Variants in NAP1L1 observed in about 807,000 individuals in gnomAD.
The protein encoded by NAP1L1 is nucleosome assembly protein 1 like 1, also known as nucleosome assembly protein 1-like 1.
NAP1L1 carries 9 observed loss-of-function variants against 58.9 expected under a neutral mutation model. That is an observed-to-expected ratio of 0.15 (90% CI 0.09 to 0.27). The LOEUF (loss-of-function observed/expected upper bound fraction) is 0.27, where lower values mean the gene tolerates loss of function less well. NAP1L1 is among the 10% of genes least tolerant of loss of function. NAP1L1 has a pLI of 1.00. For missense variants in NAP1L1, 302 were observed against 458.8 expected, an observed-to-expected ratio of 0.66 and a Z score of 3.12; for synonymous variants, 130 against 138.3, an observed-to-expected ratio of 0.94 and a Z score of 0.42.
Position 76,069,011 on chromosome 12 carries a change from T to C in NAP1L1, c.18-17A>G. The C allele has an allele frequency of 6.4e-7, 1 of 1,573,398 alleles. No homozygotes were observed. The highest frequency in any genetic ancestry group is 8.7e-7 in the Non-Finnish European group (1 of 1,151,870). ...TGTTCTTTGCTATAATATCATAGTA[T>C]CACACCAAGGTTCAAATGTACCAAT... On this transcript the variant is annotated splice_polypyrimidine_tract_variant and intron_variant, in intron 2 of 14. Coordinates refer to ENST00000618691, the MANE Select transcript of NAP1L1 (RefSeq NM_004537.7).
In NAP1L1 at chr12:76,041,073, A is replaced by G. The variant is rs545147846; in HGVS notation, c.*7356T>C. 7.2e-5 allele frequency: 11 copies of G among 152,340 alleles called. No individual in the cohort carries two copies. Among genetic ancestry groups the G allele is most frequent in the Admixed American group, 2.0e-4 (3 of 15,300 alleles). The allele number at this position is 152,340 out of a possible 1,614,324, so 9.4% of individuals were successfully genotyped here. A position where few individuals can be genotyped will look rare whatever the true frequency, so the allele number is the denominator to read the frequency against. The stretch of plus-strand genomic sequence containing the variant: ...TTATGAAAGAGCTAACTGTATACAC[A>G]ATCCAGCTTTGTTTCATTGGTTTTC... On this transcript the variant is annotated 3_prime_UTR_variant, in exon 15 of 15. Coordinates refer to ENST00000618691, the MANE Select transcript of NAP1L1 (RefSeq NM_004537.7).
In NAP1L1 at chr12:76,046,505, T is replaced by C. The variant is rs1378829059; in HGVS notation, c.*1924A>G. ...ACTATGGTTAAAAAAAAAAAGCACA[T>C]AGTGTCTAATCAAAGCAAAGGAAAT... On this transcript the variant is annotated 3_prime_UTR_variant, in exon 15 of 15. Transcript: ENST00000618691. The C allele has an allele frequency of 1.3e-5, 2 of 151,332 alleles. No homozygotes were observed. The highest frequency in any genetic ancestry group is 6.6e-5 in the Admixed American group (1 of 15,156). 9.4% of individuals were successfully genotyped at this position (151,332 alleles called of 1,614,324 possible). A position where few individuals can be genotyped will look rare whatever the true frequency, so the allele number is the denominator to read the frequency against.
chr12:76,049,621 T>G, intron 13 of NAP1L1, 135 bp downstream of exon 13: 1 of 1,518,994 alleles, frequency 6.6e-7, no homozygotes, highest in South Asian at 1.2e-5. Context: ...GGCTGTAGAA[T>G]TCTAAAATCA....
Position 76,039,697 on chromosome 12 carries a change from T to C in NAP1L1, c.*8732A>G, listed in dbSNP as rs1309093697. On this transcript the variant is annotated 3_prime_UTR_variant, in exon 15 of 15. Transcript: ENST00000618691. The stretch of plus-strand genomic sequence containing the variant: ...AGTGCAAAGTGTAGGGCCATCCAAA[T>C]GCTGGCTCCAACACAACTCAACTGT... 1 of 152,190 alleles carries C rather than the reference T, an allele frequency of 6.6e-6. No homozygotes were observed. The highest frequency in any genetic ancestry group is 1.5e-5 in the Non-Finnish European group (1 of 68,032). 9.4% of individuals were successfully genotyped at this position (152,190 alleles called of 1,614,324 possible). A position where few individuals can be genotyped will look rare whatever the true frequency, so the allele number is the denominator to read the frequency against.
intron 6 of NAP1L1, chr12:76,057,388 C>A (rs1407735963): frequency 2.3e-6 from 1 of 438,028 alleles, no homozygotes; most frequent in Non-Finnish European, 4.2e-6. Context: ...ATCATTCTTA[C>A]AAAAAGGAAA....
chr12:76,084,412 C>T lies in NAP1L1; in HGVS notation c.-21+155G>A, dbSNP rs540695726. On this transcript the variant is annotated intron_variant, in intron 1 of 14. Transcript: ENST00000618691. ...GGCTCCGGGGTCCGGACTCCGCGGT[C>T]CTGTCCGACCTCACAGGACGACCCC... Among the ~76,000 whole-genome samples the T allele has an allele frequency of 2.0e-5, 3 of 152,276 alleles. No individual in the cohort carries two copies. The South Asian group carries it at 6.2e-4, about 32-fold the overall frequency.
intron 13 of NAP1L1, 124 bp downstream of exon 13, chr12:76,049,632 T>A (rs986761818): frequency 1.3e-6 from 2 of 1,530,586 alleles, no homozygotes; most frequent in Non-Finnish European, 1.8e-6. Flanking sequence ...TCTAAAATCA[T>A]GTTTTCCAAA....
chr12:76,077,782 G>A (rs982337919), intron 1 of NAP1L1, among the ~76,000 whole-genome samples: 2 of 152,020 alleles, frequency 1.3e-5, no homozygotes, highest in Middle Eastern at 6.8e-3. Flanking sequence ...TTAGGAGTTA[G>A]AGACCAGCCT....
intron 11 of NAP1L1, among the ~76,000 whole-genome samples, 196 bp from the exon 12 acceptor site, chr12:76,050,849 G>A (rs1424946258): frequency 1.3e-5 from 2 of 151,796 alleles, no homozygotes; most frequent in Non-Finnish European, 2.9e-5. Context: ...CGCCCCCTGC[G>A]TTTGTACAAA....
rs1281150807 is a variant in NAP1L1, at chr12:76,039,249, C to T, written c.*9180G>A. 1 of 152,180 alleles carries T rather than the reference C, an allele frequency of 6.6e-6. No homozygotes were observed. Among genetic ancestry groups the T allele is most frequent in the Non-Finnish European group, 1.5e-5 (1 of 68,028 alleles). 9.4% of individuals were successfully genotyped at this position (152,180 alleles called of 1,614,324 possible). On this transcript the variant is annotated 3_prime_UTR_variant, in exon 15 of 15. Transcript: ENST00000618691. ...CTGTGAGCATAAACCATAGGTTCTT[C>T]TTTTTACAGGAGAGGTTGGATGCCA... is the stretch of plus-strand genomic sequence containing the variant.
intron 3 of NAP1L1, among the ~76,000 whole-genome samples, chr12:76,068,021 A>C (rs1464318659): frequency 6.6e-6 from 1 of 152,224 alleles, no homozygotes; most frequent in Non-Finnish European, 1.5e-5. Flanking sequence ...TGTGGTTTTC[A>C]ATGGCTTTTT....
Position 76,040,641 on chromosome 12 carries a change from C to CCT in NAP1L1, c.*7786_*7787dup, listed in dbSNP as rs1209777254. 1.3e-5 allele frequency: 2 copies of CCT among 151,714 alleles called. No homozygotes were observed. Among genetic ancestry groups the CCT allele is most frequent in the Admixed American group, 6.6e-5 (1 of 15,262 alleles). 9.4% of individuals were successfully genotyped at this position (151,714 alleles called of 1,614,324 possible). On this transcript the variant is annotated 3_prime_UTR_variant, in exon 15 of 15. Coordinates refer to ENST00000618691, the MANE Select transcript of NAP1L1 (RefSeq NM_004537.7). ...GTCAATTCTTGTGGGCTCACTGCAA[C>CCT]CTCCACCTCCAGAGTTCAATCAATT... is the stretch of plus-strand genomic sequence containing the variant.
chr12:76,077,731 C>T (rs530108549), intron 1 of NAP1L1, among the ~76,000 whole-genome samples: 1 of 152,076 alleles, frequency 6.6e-6, no homozygotes, highest in South Asian at 2.1e-4. Flanking sequence ...CGCCTGTAAT[C>T]CTAGCACTTT....
chr12:76,066,014 C>A (rs1949648037), intron 4 of NAP1L1, among the ~76,000 whole-genome samples: 1 of 145,814 alleles, frequency 6.9e-6, no homozygotes, highest in Non-Finnish European at 1.5e-5. Flanking sequence ...GGTGGTACAC[C>A]TAAATGGGGG....
chr12:76,040,398 CT>C lies in NAP1L1; in HGVS notation c.*8030del, dbSNP rs1948541209. On this transcript the variant is annotated 3_prime_UTR_variant, in exon 15 of 15. Coordinates refer to ENST00000618691, the MANE Select transcript of NAP1L1 (RefSeq NM_004537.7). Reference sequence around the variant, plus strand: ...TCCACTTACAGGTTTACTTCTGTCTCTACTACCCCTGTGACAGCAAGACCCC... The same window carrying C: ...TCCACTTACAGGTTTACTTCTGTCTCACTACCCCTGTGACAGCAAGACCCC... The C allele has an allele frequency of 6.6e-6, 1 of 152,162 alleles. No individual in the cohort carries two copies. The highest frequency in any genetic ancestry group is 1.5e-5 in the Non-Finnish European group (1 of 68,054). 9.4% of individuals were successfully genotyped at this position (152,162 alleles called of 1,614,324 possible). A position where few individuals can be genotyped will look rare whatever the true frequency, so the allele number is the denominator to read the frequency against.
chr12:76,053,050 T>G, intron 11 of NAP1L1, 41 bp downstream of exon 11: 1 of 1,562,352 alleles, frequency 6.4e-7, no homozygotes, highest in South Asian at 1.2e-5. Flanking sequence ...TAATTTCAAA[T>G]ATACTTAACA....
rs1324490554 is a variant in NAP1L1 at position 76,042,562 on chromosome 12, T to C, written c.*5867A>G. On this transcript the variant is annotated 3_prime_UTR_variant, in exon 15 of 15. Coordinates refer to ENST00000618691, the MANE Select transcript of NAP1L1 (RefSeq NM_004537.7). The stretch of plus-strand genomic sequence containing the variant: ...TTCCTATAGAGCAACCTCATCTACT[T>C]TCCTAGTTGGATCAACTGATTCCAC... 6.6e-6 allele frequency: 1 copy of C among 152,244 alleles called. No individual in the cohort carries two copies. The highest frequency in any genetic ancestry group is 1.9e-4 in the East Asian group (1 of 5,202). The allele number at this position is 152,244 out of a possible 1,614,324, so 9.4% of individuals were successfully genotyped here.
intron 1 of NAP1L1, among the ~76,000 whole-genome samples, chr12:76,080,869 C>G (rs977840144): frequency 6.6e-6 from 1 of 152,092 alleles, no homozygotes; most frequent in Admixed American, 6.5e-5. Flanking sequence ...TTAATCCATT[C>G]ATGGATTAAT....
rs1276356868 is a variant in NAP1L1 at position 76,037,928 on chromosome 12, G to T, written c.*10501C>A. On this transcript the variant is annotated 3_prime_UTR_variant, in exon 15 of 15. Coordinates refer to ENST00000618691, the MANE Select transcript of NAP1L1 (RefSeq NM_004537.7). ...AATGACTAATGTTTTGTCTGGAAAT[G>T]TATTGATATTATTCAAAATGGGCAA... is the stretch of plus-strand genomic sequence containing the variant. 1 of 152,190 alleles carries T rather than the reference G, an allele frequency of 6.6e-6. No homozygotes were observed. The highest frequency in any genetic ancestry group is 1.5e-5 in the Non-Finnish European group (1 of 68,040). The allele number at this position is 152,190 out of a possible 1,614,324, so 9.4% of individuals were successfully genotyped here. A position where few individuals can be genotyped will look rare whatever the true frequency, so the allele number is the denominator to read the frequency against.
Sources: allele counts gnomAD v4.1 joint callset (sites outside exome capture counted in the v4.1 genomes callset), GRCh38; gene constraint gnomAD v4.1.1; transcripts MANE v1.5; gene names NCBI Gene and HGNC (gene_info 2026-07-23, HGNC 2026-07-21).